Variants in NUBPL observed in about 807,000 individuals in gnomAD.
NUBPL encodes the protein NUBP iron-sulfur cluster assembly factor, mitochondrial.
In NUBPL, 31 loss-of-function variants were observed where a neutral mutation model predicts 45.7. The observed-to-expected ratio is 0.68, with a 90% confidence interval of 0.51 to 0.92. The LOEUF is 0.92. NUBPL is among the 40% of genes least tolerant of loss of function. NUBPL has a pLI of 0.00. For missense variants in NUBPL, 401 were observed against 398.7 expected, an observed-to-expected ratio of 1.01 and a Z score of -0.05; for synonymous variants, 144 against 140.9, an observed-to-expected ratio of 1.02 and a Z score of -0.15.
intron 6 of NUBPL, 71 bp from the exon 7 acceptor site, chr14:31,787,709 A>T: frequency 5.1e-6 from 5 of 988,232 alleles, no homozygotes; most frequent in Non-Finnish European, 1.6e-6. Flanking sequence ...TTATTAACAC[A>T]TTAATTTTGT....
At chr14:31,640,868 C>G (rs2035673505) in intron 4 of NUBPL, among the ~76,000 whole-genome samples, 2 of 152,136 alleles carry the variant, frequency 1.3e-5, no homozygotes, top group South Asian at 4.1e-4. Context: ...TTATTCTCTT[C>G]TAGCTATTGT....
At chr14:31,845,950 A>G (rs547499240) in intron 8 of NUBPL, 1 of 159,736 alleles carries the variant, frequency 6.3e-6, no homozygotes, top group East Asian at 1.8e-4. Context: ...GAAAACCTTT[A>G]GTGGTTTCCT....
rs2038018737 is a variant in NUBPL at position 31,730,178 on chromosome 14, T to C, written c.513+56604T>C. Reference sequence around the variant, plus strand: ...ATTTTTACAATTATTTGGGAGAAGATGAGAACCCATAGGAATAAGCATATT... The same window carrying C: ...ATTTTTACAATTATTTGGGAGAAGACGAGAACCCATAGGAATAAGCATATT... On this transcript the variant is annotated intron_variant, in intron 6 of 10. Transcript: ENST00000281081. 2.0e-5 allele frequency among the ~76,000 whole-genome samples: 3 copies of C among 152,212 alleles called. No homozygotes were observed. In the South Asian group the frequency reaches 6.2e-4, roughly 31 times the overall value.
rs2033401243 is a variant in NUBPL, at chr14:31,565,068, AAT to A, written c.291+23_291+24del. On this transcript the variant is annotated intron_variant, in intron 3 of 10. Coordinates refer to ENST00000281081, the MANE Select transcript of NUBPL (RefSeq NM_025152.3). ...GATTCGGTAGGTGTTTATTAATAGA[AAT>A]ATTAATTTATTAAAATGTTTTTAAG... is the stretch of plus-strand genomic sequence containing the variant. 7.0e-7 allele frequency: 1 copy of A among 1,432,816 alleles called. No individual in the cohort carries two copies. Among genetic ancestry groups the A allele is most frequent in the Non-Finnish European group, 9.7e-7 (1 of 1,028,240 alleles). The allele number at this position is 1,432,816 out of a possible 1,614,324, so 88.8% of individuals were successfully genotyped here. A position where few individuals can be genotyped will look rare whatever the true frequency, so the allele number is the denominator to read the frequency against.
chr14:31,778,149 C>T (rs1241390009), intron 6 of NUBPL, among the ~76,000 whole-genome samples: 1 of 152,198 alleles, frequency 6.6e-6, no homozygotes, highest in Non-Finnish European at 1.5e-5. Flanking sequence ...ATTAGTGAAA[C>T]TGACTGAATA....
chr14:31,799,979 G>T (rs2039554303), intron 7 of NUBPL, among the ~76,000 whole-genome samples: 2 of 152,202 alleles, frequency 1.3e-5, no homozygotes, highest in South Asian at 4.1e-4. Flanking sequence ...AACTAAGTGT[G>T]TGTAATATTC....
rs537646780 is a variant in NUBPL at position 31,702,420 on chromosome 14, C to T, written c.513+28846C>T. Among the ~76,000 whole-genome samples the T allele has an allele frequency of 2.0e-5, 3 of 152,316 alleles. No homozygotes were observed. In the East Asian group the frequency reaches 5.8e-4, roughly 29 times the overall value. ...GCCCCCACTCTAAATCACATTATTA[C>T]TACATGGCTAGCTCAAGGCCCATGA... On this transcript the variant is annotated intron_variant, in intron 6 of 10. Transcript: ENST00000281081.
intron 10 of NUBPL, among the ~76,000 whole-genome samples, chr14:31,853,604 G>T (rs987584279): frequency 9.2e-5 from 14 of 152,086 alleles, no homozygotes; most frequent in African/African-American, 3.4e-4. Context: ...ACACTAAAAA[G>T]GTAGTGATTA....
At chr14:31,628,102 A>G (rs1013301326) in intron 4 of NUBPL, among the ~76,000 whole-genome samples, 6 of 152,220 alleles carry the variant, frequency 3.9e-5, no homozygotes, top group African/African-American at 1.4e-4. Context: ...AGCCCCATAC[A>G]GACATGTAGT....
chr14:31,724,592 G>A (rs1167754685), intron 6 of NUBPL, among the ~76,000 whole-genome samples: 1 of 152,160 alleles, frequency 6.6e-6, no homozygotes, highest in Admixed American at 6.5e-5. Context: ...AGCTAGCATT[G>A]TTTGAATGTG....
intron 4 of NUBPL, among the ~76,000 whole-genome samples, chr14:31,658,428 T>C (rs2036191702): frequency 6.6e-6 from 1 of 152,166 alleles, no homozygotes; most frequent in Admixed American, 6.5e-5. Flanking sequence ...AGGTCACAGA[T>C]AGTGACTAAT....
At chr14:31,819,633 A>G (rs2039981385) in intron 7 of NUBPL, among the ~76,000 whole-genome samples, 1 of 152,234 alleles carries the variant, frequency 6.6e-6, no homozygotes, top group South Asian at 2.1e-4. Context: ...GCAGTCATAA[A>G]TAGATTTTCC....
At chr14:31,841,012 G>A (rs2040362339) in intron 8 of NUBPL, among the ~76,000 whole-genome samples, 1 of 152,208 alleles carries the variant, frequency 6.6e-6, no homozygotes, top group Non-Finnish European at 1.5e-5. Flanking sequence ...CACTTATACT[G>A]CTGATAGTTG....
chr14:31,839,444 A>G (rs186066550), intron 8 of NUBPL, among the ~76,000 whole-genome samples: 29 of 152,324 alleles, frequency 1.9e-4, no homozygotes, highest in African/African-American at 6.7e-4. Flanking sequence ...CTTATTTCAC[A>G]CCATATATAA....
At chr14:31,637,248 A>G (rs1374494941) in intron 4 of NUBPL, among the ~76,000 whole-genome samples, 1 of 152,194 alleles carries the variant, frequency 6.6e-6, no homozygotes, top group Non-Finnish European at 1.5e-5. Flanking sequence ...TTCCCTCTAC[A>G]TACTGCTTTG....
At chr14:31,757,418 G>A (rs2038693528) in intron 6 of NUBPL, among the ~76,000 whole-genome samples, 1 of 151,558 alleles carries the variant, frequency 6.6e-6, no homozygotes, top group Non-Finnish European at 1.5e-5. Context: ...CTTCTTCCTG[G>A]TTTAGTCTTG....
intron 6 of NUBPL, among the ~76,000 whole-genome samples, chr14:31,752,683 C>T (rs1295037981): frequency 6.6e-6 from 1 of 152,188 alleles, no homozygotes; most frequent in Non-Finnish European, 1.5e-5. Context: ...AGCCTGTTAC[C>T]CAATTCCAAA....
chr14:31,684,435 G>A (rs188284268), intron 6 of NUBPL, among the ~76,000 whole-genome samples: 1 of 152,078 alleles, frequency 6.6e-6, no homozygotes. Context: ...TATCGTTTTT[G>A]CAGTCACCTG....
rs370495286 is a variant in NUBPL at position 31,729,156 on chromosome 14, T to C, written c.513+55582T>C. 2.3e-3 allele frequency among the ~76,000 whole-genome samples: 351 copies of C among 151,898 alleles called. 1 individual carries two copies. Among genetic ancestry groups the C allele is most frequent in the African/African-American group, 8.1e-3 (335 of 41,408 alleles). On this transcript the variant is annotated intron_variant, in intron 6 of 10. Transcript: ENST00000281081. ...ATTAGCTGGGCGTGTGGCAGGCGCC[T>C]GTAATTCCAATACTTGGGAGGCTGA... is the stretch of plus-strand genomic sequence containing the variant.
Sources: allele counts gnomAD v4.1 joint callset (sites outside exome capture counted in the v4.1 genomes callset), GRCh38; gene constraint gnomAD v4.1.1; transcripts MANE v1.5; gene names NCBI Gene and HGNC (gene_info 2026-07-23, HGNC 2026-07-21).